ELMO2: variants seen among roughly 807,000 people sequenced by gnomAD.
ELMO2 encodes the protein engulfment and cell motility protein 2.
ELMO2 carries 37 observed loss-of-function variants against 96.2 expected under a neutral mutation model. The ratio of observed to expected loss-of-function variants is 0.38; its 90% CI spans 0.30 to 0.51. The LOEUF is 0.51. Among genes scored for constraint, ELMO2 ranks in the 20% least tolerant of loss-of-function variants. ELMO2 has a pLI of 0.88. For missense variants in ELMO2, 561 were observed against 912.6 expected, an observed-to-expected ratio of 0.61 and a Z score of 4.96; for synonymous variants, 315 against 329.4, an observed-to-expected ratio of 0.96 and a Z score of 0.47.
At chr20:46,382,368 C>T in intron 10 of ELMO2, 1 of 822,778 alleles carries the variant, frequency 1.2e-6, no homozygotes, top group South Asian at 1.4e-5. Context: ...ACAGACAGAA[C>T]CACAGATGCT....
chr20:46,370,799 C>T (rs749248360), intron 19 of ELMO2, among the ~76,000 whole-genome samples: 4 of 152,132 alleles, frequency 2.6e-5, no homozygotes, highest in East Asian at 3.9e-4. Context: ...CCCCAAGGAA[C>T]GGGACCTTGG....
intron 10 of ELMO2, among the ~76,000 whole-genome samples, chr20:46,381,359 G>C (rs540158167): frequency 6.6e-6 from 1 of 152,260 alleles, no homozygotes; most frequent in Non-Finnish European, 1.5e-5. Flanking sequence ...TCCTAAATCA[G>C]TGGGCCTGAG....
intron 9 of ELMO2, among the ~76,000 whole-genome samples, chr20:46,383,698 A>C (rs1340608077): frequency 1.3e-5 from 2 of 152,258 alleles, no homozygotes; most frequent in Non-Finnish European, 2.9e-5. Context: ...TCAGAGAGCT[A>C]TGCAAGATTT....
chr20:46,386,451 G>A (rs1600857541), intron 8 of ELMO2, among the ~76,000 whole-genome samples, 176 bp from the exon 9 acceptor site: 1 of 152,196 alleles, frequency 6.6e-6, no homozygotes, highest in Non-Finnish European at 1.5e-5. Context: ...GATTCCCTTG[G>A]CATGGATACC....
At chr20:46,388,665 A>G (rs73296080) in intron 7 of ELMO2, among the ~76,000 whole-genome samples, 3,300 of 151,982 alleles carry the variant, frequency 0.022, 123 homozygotes, top group African/African-American at 0.074. Context: ...GATGATTACA[A>G]ACAGACACCT....
Position 46,387,330 on chromosome 20 carries a change from G to C in ELMO2, c.525+8C>G, listed in dbSNP as rs1271002796. ...GAGGAGAGAAAGACAGAATGTTGGA[G>C]GCCTCACCTGCTTAATAAAGGTGAT... On this transcript the variant is annotated splice_region_variant and intron_variant, in intron 8 of 21. Coordinates refer to ENST00000290246, the MANE Select transcript of ELMO2 (RefSeq NM_133171.5). 2 of 1,612,456 alleles carry C rather than the reference G, an allele frequency of 1.2e-6. No individual in the cohort carries two copies. The highest frequency in any genetic ancestry group is 4.5e-5 in the East Asian group (2 of 44,854).
chr20:46,368,768 C>T, intron 21 of ELMO2, 123 bp downstream of exon 21: 1 of 988,544 alleles, frequency 1.0e-6, no homozygotes, highest in South Asian at 1.5e-5. Flanking sequence ...CAAAGCCTTC[C>T]TAGGCTTCAA....
intron 6 of ELMO2, among the ~76,000 whole-genome samples, chr20:46,389,530 T>C (rs1488821381): frequency 6.6e-6 from 1 of 152,186 alleles, no homozygotes; most frequent in East Asian, 1.9e-4. Flanking sequence ...GAGAAACAGA[T>C]ACTGGTTTAA....
At chr20:46,379,692 T>C (rs2059922251) in intron 11 of ELMO2, among the ~76,000 whole-genome samples, 1 of 152,134 alleles carries the variant, frequency 6.6e-6, no homozygotes, top group Non-Finnish European at 1.5e-5. Flanking sequence ...CCGGTCTGCC[T>C]ACTCATCCTC....
intron 11 of ELMO2, among the ~76,000 whole-genome samples, chr20:46,376,367 C>T (rs549713716): frequency 2.4e-3 from 360 of 152,066 alleles, no homozygotes; most frequent in African/African-American, 8.1e-3. Flanking sequence ...TTGTCCTCTC[C>T]TCTCTCCTAT....
At chr20:46,395,551 C>A (rs528595145) in intron 2 of ELMO2, among the ~76,000 whole-genome samples, 1 of 152,198 alleles carries the variant, frequency 6.6e-6, no homozygotes, top group African/African-American at 2.4e-5. Flanking sequence ...CCTCTCCTGG[C>A]GTACAAAGCA....
chr20:46,402,504 T>C (rs1303249785), intron 1 of ELMO2, among the ~76,000 whole-genome samples: 2 of 152,170 alleles, frequency 1.3e-5, no homozygotes, highest in Non-Finnish European at 2.9e-5. Flanking sequence ...GAAACTGAGA[T>C]GGAAAATACA....
chr20:46,372,464 C>T (rs1414925610), intron 16 of ELMO2, among the ~76,000 whole-genome samples: 1 of 152,176 alleles, frequency 6.6e-6, no homozygotes, highest in African/African-American at 2.4e-5. Context: ...AACCCCGTCT[C>T]TACTAAAAAT....
At position 46,371,095 on chromosome 20, in the gene ELMO2, T is replaced by C. The variant is rs1310641672; in HGVS notation, c.1801+257A>G. 6.6e-6 allele frequency among the ~76,000 whole-genome samples: 1 copy of C among 152,206 alleles called. No homozygotes were observed. The highest frequency in any genetic ancestry group is 2.4e-5 in the African/African-American group (1 of 41,446). On this transcript the variant is annotated intron_variant, in intron 19 of 21. Transcript: ENST00000290246. This position sits in a 1 kb window ranked among gnomAD's most constrained non-coding sequence, Gnocchi z 5.9. ...GGCAGTCTGGCTTCACAGCTTCTCC[T>C]CTTAACTACTGCCTTTCGACTTAGT...
intron 4 of ELMO2, 87 bp downstream of exon 4, chr20:46,393,962 G>T: frequency 6.3e-7 from 1 of 1,584,168 alleles, no homozygotes; most frequent in South Asian, 1.1e-5. Context: ...CCTAACTGGA[G>T]ATCCTTCCCA....
intron 10 of ELMO2, among the ~76,000 whole-genome samples, chr20:46,382,713 T>C (rs759549175): frequency 1.2e-4 from 18 of 152,252 alleles, no homozygotes; most frequent in Non-Finnish European, 2.1e-4. Context: ...AGTTTCCTTA[T>C]TTGTGAAACA....
At position 46,389,074 on chromosome 20, in the gene ELMO2, T is replaced by C. The variant is rs1270766036; in HGVS notation, c.390A>G (p.Thr130=). The change falls in exon 7 of 22, where the codon ACA becomes ACG. Residue 130 remains threonine, a synonymous_variant. Coordinates refer to ENST00000290246, the MANE Select transcript of ELMO2 (RefSeq NM_133171.5). The part of the protein sequence containing the change: ...FINMDGIIVL[T]RLVESGTKLL... ...GCTTGGTTCCACTTTCCACGAGCCT[T>C]GTCAGCACAATGATGCCATCCATGT... The C allele has an allele frequency of 3.1e-6, 5 of 1,614,048 alleles. No individual in the cohort carries two copies. Among genetic ancestry groups the C allele is most frequent in the Non-Finnish European group, 4.2e-6 (5 of 1,180,008 alleles).
rs775154225 is a variant in ELMO2, at chr20:46,371,562, G to GC, written c.1693+16dup. The stretch of plus-strand genomic sequence containing the variant: ...CAGGCTCTTCCCGGCACCAAGGATT[G>GC]CCCCGTCTCCTCTCACCTTGCCTTC... On this transcript the variant is annotated intron_variant, in intron 18 of 21. Transcript: ENST00000290246. The surrounding 1 kb of genome is among the most constrained non-coding windows in gnomAD (Gnocchi z 5.9). 3 of 1,603,770 alleles carry GC rather than the reference G, an allele frequency of 1.9e-6. No individual in the cohort carries two copies. Among genetic ancestry groups the GC allele is most frequent in the African/African-American group, 1.3e-5 (1 of 74,392 alleles).
At chr20:46,378,694 G>A (rs2059904923) in intron 11 of ELMO2, among the ~76,000 whole-genome samples, 1 of 152,224 alleles carries the variant, frequency 6.6e-6, no homozygotes, top group African/African-American at 2.4e-5. Flanking sequence ...CAAGTGCTCA[G>A]AGCTTACTTC....
Sources: gnomAD v4.1 joint callset for allele counts (sites outside exome capture counted in the v4.1 genomes callset) on GRCh38, gnomAD v4.1.1 for gene constraint, Gnocchi (gnomAD v3.1) non-coding constraint, MANE v1.5 for transcripts, NCBI Gene and HGNC (gene_info 2026-07-23, HGNC 2026-07-21) for gene names.